Variants in YAP1 observed in about 807,000 individuals in gnomAD.
The protein encoded by YAP1 is transcriptional coactivator YAP1.
A neutral mutation model predicts 56.9 loss-of-function variants in YAP1; 5 were observed. The observed-to-expected ratio is 0.09, with a 90% CI of 0.05 to 0.18. The LOEUF is 0.18. YAP1 is among the 10% of genes least tolerant of loss of function. The pLI, the probability that YAP1 is intolerant of heterozygous loss-of-function variation, is 1.00. For missense variants in YAP1, 539 were observed against 651.8 expected (o/e 0.83, Z 1.88); for synonymous variants, 265 against 248.1 (o/e 1.07, Z -0.64).
At chr11:102,211,403 C>T (rs1270106493) in intron 6 of YAP1, among the ~76,000 whole-genome samples, 1 of 152,056 alleles carries the variant, frequency 6.6e-6, no homozygotes, top group Admixed American at 6.5e-5. Flanking sequence ...CTCAGATTTG[C>T]CCAGACCAGA....
At chr11:102,138,137 G>A (rs571693237) in intron 2 of YAP1, among the ~76,000 whole-genome samples, 4 of 152,210 alleles carry the variant, frequency 2.6e-5, no homozygotes, top group Non-Finnish European at 4.4e-5. Context: ...CGCCTGCCTT[G>A]GCCTCCCAAA....
intron 4 of YAP1, among the ~76,000 whole-genome samples, chr11:102,196,616 GT>G (rs1173809657): frequency 2.1e-5 from 3 of 146,210 alleles, no homozygotes; most frequent in African/African-American, 7.5e-5. Flanking sequence ...GTTTGTTTTT[GT>G]TTTTGTGACT....
chr11:102,183,132 C>A (rs1334690782), intron 3 of YAP1, among the ~76,000 whole-genome samples: 1 of 152,120 alleles, frequency 6.6e-6, no homozygotes, highest in Non-Finnish European at 1.5e-5. Flanking sequence ...GAAGAGGAAA[C>A]TAATTTCTGT....
chr11:102,162,349 G>A, intron 2 of YAP1, 107 bp from the exon 3 acceptor site: 1 of 869,206 alleles, frequency 1.2e-6, no homozygotes, highest in Non-Finnish European at 1.9e-6. Context: ...GTGACTTAAT[G>A]CTTTTACAGA....
chr11:102,131,260 C>T (rs1944353697), intron 2 of YAP1, among the ~76,000 whole-genome samples: 1 of 152,182 alleles, frequency 6.6e-6, no homozygotes, highest in South Asian at 2.1e-4. Flanking sequence ...CTCTTCCTGC[C>T]ATTCTTTTCT....
intron 4 of YAP1, among the ~76,000 whole-genome samples, chr11:102,204,469 A>C (rs528313484): frequency 2.0e-5 from 3 of 152,298 alleles, no homozygotes; most frequent in Admixed American, 2.0e-4. Context: ...TGTAAGTAAA[A>C]AATTAGAATC....
chr11:102,111,596 G>C (rs1319521777), intron 1 of YAP1, among the ~76,000 whole-genome samples: 1 of 151,570 alleles, frequency 6.6e-6, no homozygotes, highest in African/African-American at 2.4e-5. Context: ...CTCCCGCCGG[G>C]CCGGGCTGGG....
chr11:102,140,380 AATAAT>A (rs1944944742), intron 2 of YAP1, among the ~76,000 whole-genome samples: 1 of 152,238 alleles, frequency 6.6e-6, no homozygotes, highest in Non-Finnish European at 1.5e-5. Context: ...CATTTAATAT[AATAAT>A]CTAGGATATT....
In YAP1 at chr11:102,110,626, G is replaced by A. The variant is rs1942827951; in HGVS notation, c.-223G>A. ...CGAGTGCCTCGCAGCCCCTCCCGAG[G>A]CGCAGCCGCCAGACCAGTGGAGCCG... On this transcript the variant is annotated 5_prime_UTR_variant, in exon 1 of 9. Coordinates refer to ENST00000282441, the MANE Select transcript of YAP1 (RefSeq NM_001130145.3). 7.7e-6 allele frequency: 2 copies of A among 259,196 alleles called. No individual in the cohort carries two copies. Among genetic ancestry groups the A allele is most frequent in the Non-Finnish European group, 1.4e-5 (2 of 145,060 alleles). The allele number at this position is 259,196 out of a possible 1,614,324, so 16.1% of individuals were successfully genotyped here.
At chr11:102,160,675 T>G (rs970467630) in intron 2 of YAP1, among the ~76,000 whole-genome samples, 5 of 119,342 alleles carry the variant, frequency 4.2e-5, no homozygotes, top group Non-Finnish European at 8.6e-5. Context: ...GTGTTTTTAT[T>G]CCTGGTAATG....
At chr11:102,185,628 A>C (rs1464025758) in intron 3 of YAP1, among the ~76,000 whole-genome samples, 1 of 152,236 alleles carries the variant, frequency 6.6e-6, no homozygotes, top group Admixed American at 6.5e-5. Flanking sequence ...TGTATTTCTT[A>C]TTAATGAACC....
At chr11:102,137,815 T>C (rs1486958202) in intron 2 of YAP1, among the ~76,000 whole-genome samples, 1 of 151,684 alleles carries the variant, frequency 6.6e-6, no homozygotes, top group African/African-American at 2.4e-5. Context: ...TAAGATCTTC[T>C]AAAAGTGTTT....
At chr11:102,116,703 T>G (rs188158071) in intron 2 of YAP1, among the ~76,000 whole-genome samples, 2 of 152,292 alleles carry the variant, frequency 1.3e-5, no homozygotes, top group African/African-American at 4.8e-5. Context: ...AAGACATGAT[T>G]GTTGTTTCAG....
At chr11:102,123,709 G>T (rs917018277) in intron 2 of YAP1, among the ~76,000 whole-genome samples, 1 of 142,120 alleles carries the variant, frequency 7.0e-6, no homozygotes, top group Non-Finnish European at 1.5e-5. Flanking sequence ...GCTCGATCTC[G>T]TCTCACTGCA....
intron 2 of YAP1, among the ~76,000 whole-genome samples, chr11:102,160,010 C>T (rs1591271174): frequency 7.1e-6 from 1 of 141,654 alleles, no homozygotes; most frequent in Non-Finnish European, 1.5e-5. Context: ...ACCTGATTTA[C>T]ATAAAGGATT....
In YAP1 at chr11:102,209,609, A is replaced by G. The variant is rs757700331; in HGVS notation, c.1032+45A>G. 16 of 1,322,160 alleles carry G rather than the reference A, an allele frequency of 1.2e-5. No homozygotes were observed. The Admixed American group carries it at 2.9e-4, about 24-fold the overall frequency. 81.9% of individuals were successfully genotyped at this position (1,322,160 alleles called of 1,614,324 possible). A position where few individuals can be genotyped will look rare whatever the true frequency, so the allele number is the denominator to read the frequency against. ...TTTAGCACTGGAAAAAAAAAAAAAAAGATATTAAATTAGGAAAGAGAAACT... is the reference window on the plus strand; with the variant it reads ...TTTAGCACTGGAAAAAAAAAAAAAAGGATATTAAATTAGGAAAGAGAAACT... On this transcript the variant is annotated intron_variant, in intron 6 of 8. Transcript: ENST00000282441.
intron 6 of YAP1, among the ~76,000 whole-genome samples, chr11:102,210,700 T>C (rs552051729): frequency 1.5e-3 from 231 of 152,276 alleles, no homozygotes; most frequent in Non-Finnish European, 3.0e-3. Context: ...GAAGCCATTT[T>C]TTTCTTTGCC....
At chr11:102,226,017 C>A (rs1362428762) in intron 7 of YAP1, among the ~76,000 whole-genome samples, 1 of 152,158 alleles carries the variant, frequency 6.6e-6, no homozygotes, top group African/African-American at 2.4e-5. Flanking sequence ...ATGTGCTTCC[C>A]CTGTGGTTTG....
chr11:102,126,429 C>G (rs1018994574), intron 2 of YAP1, among the ~76,000 whole-genome samples: 3 of 152,164 alleles, frequency 2.0e-5, no homozygotes, highest in African/African-American at 7.2e-5. Context: ...CTTTCCCGTG[C>G]TATTCTCGTG....
Sources: allele counts gnomAD v4.1 joint callset (sites outside exome capture counted in the v4.1 genomes callset), GRCh38; gene constraint gnomAD v4.1.1; transcripts MANE v1.5; gene names NCBI Gene and HGNC (gene_info 2026-07-23, HGNC 2026-07-21).